ACKR3: variants seen among roughly 807,000 people sequenced by gnomAD.
ACKR3 encodes atypical chemokine receptor 3, also known as C-X-C chemokine receptor type 7.
In ACKR3, 6 loss-of-function variants were observed where a neutral mutation model predicts 22.4. The ratio of observed to expected loss-of-function variants is 0.27; its 90% confidence interval spans 0.15 to 0.53. The LOEUF (loss-of-function observed/expected upper bound fraction) is 0.53. ACKR3 is among the 20% of genes least tolerant of loss of function. ACKR3 has a pLI of 0.96. For synonymous variants in ACKR3, 209 were observed against 205.2 expected (o/e 1.02, Z -0.16); for missense variants, 396 against 475.2 (o/e 0.83, Z 1.55).
chr2:236,556,639 T>C, the ACKR3 span, among the ~76,000 whole-genome samples: 1 of 152,238 alleles, frequency 6.6e-6, no homozygotes, highest in Non-Finnish European at 1.5e-5. Flanking sequence ...TGCTGGCACA[T>C]TGATCTCAGC....
chr2:236,554,298 G>A, the ACKR3 span, among the ~76,000 whole-genome samples: 1 of 152,358 alleles, frequency 6.6e-6, no homozygotes, highest in Non-Finnish European at 1.5e-5. Flanking sequence ...ATCCAGGAAG[G>A]CATCAGGAAG....
intron 1 of ACKR3, among the ~76,000 whole-genome samples, chr2:236,570,803 A>C (rs1691292189): frequency 6.6e-6 from 1 of 152,028 alleles, no homozygotes; most frequent in Non-Finnish European, 1.5e-5. Flanking sequence ...GGAGAATGAG[A>C]AGTTGTAAAA....
chr2:236,582,047 T>C lies in ACKR3; in HGVS notation c.*493T>C, dbSNP rs1294234982. On this transcript the variant is annotated 3_prime_UTR_variant, in exon 2 of 2. Coordinates refer to ENST00000272928, the MANE Select transcript of ACKR3 (RefSeq NM_020311.3). ...TTTTGACTAAGGATGACACTAATTG[T>C]TAGCTGTTTTGAAATTATATATATA... is the stretch of plus-strand genomic sequence containing the variant. The C allele has an allele frequency of 6.1e-6, 1 of 164,512 alleles. No individual in the cohort carries two copies. Among genetic ancestry groups the C allele is most frequent in the Non-Finnish European group, 1.5e-5 (1 of 67,700 alleles). 10.2% of individuals were successfully genotyped at this position (164,512 alleles called of 1,614,324 possible).
the ACKR3 span, among the ~76,000 whole-genome samples, chr2:236,538,018 G>T: frequency 6.6e-6 from 1 of 151,942 alleles, no homozygotes; most frequent in African/African-American, 2.4e-5. Flanking sequence ...ATTCCAAAAA[G>T]AATAGTTCTT....
chr2:236,549,214 C>A, the ACKR3 span, among the ~76,000 whole-genome samples: 1 of 152,356 alleles, frequency 6.6e-6, no homozygotes, highest in East Asian at 1.9e-4. The surrounding 1 kb of genome is among the most constrained non-coding windows in gnomAD (Gnocchi z 5.3). Context: ...CTAGCTCCGA[C>A]CCTGCAGACC....
chr2:236,581,692 C>T lies in ACKR3; in HGVS notation c.*138C>T. On this transcript the variant is annotated 3_prime_UTR_variant, in exon 2 of 2. Transcript: ENST00000272928. The surrounding 1 kb of genome is among the most constrained non-coding windows in gnomAD (Gnocchi z 4.4). ...TGAAGAGGGGAGCACGTGCCCCCTG[C>T]ATCCATTCTCTCTTTCTCTTGATGA... The T allele has an allele frequency of 3.7e-6, 4 of 1,088,322 alleles. No individual in the cohort carries two copies. The highest frequency in any genetic ancestry group is 5.2e-6 in the Non-Finnish European group (4 of 769,056). The allele number at this position is 1,088,322 out of a possible 1,614,324, so 67.4% of individuals were successfully genotyped here.
chr2:236,541,471 A>G, the ACKR3 span, among the ~76,000 whole-genome samples: 7 of 152,220 alleles, frequency 4.6e-5, no homozygotes, highest in Admixed American at 1.3e-4. Context: ...ATCTAAGTCA[A>G]AATGATTGAG....
chr2:236,581,697 A>G lies in ACKR3; in HGVS notation c.*143A>G. On this transcript the variant is annotated 3_prime_UTR_variant, in exon 2 of 2. Coordinates refer to ENST00000272928, the MANE Select transcript of ACKR3 (RefSeq NM_020311.3). The surrounding 1 kb of genome is among the most constrained non-coding windows in gnomAD (Gnocchi z 4.4). ...AGGGGAGCACGTGCCCCCTGCATCC[A>G]TTCTCTCTTTCTCTTGATGACGCAG... is the stretch of plus-strand genomic sequence containing the variant. The G allele has an allele frequency of 1.9e-6, 2 of 1,053,854 alleles. No individual in the cohort carries two copies. Among genetic ancestry groups the G allele is most frequent in the Non-Finnish European group, 2.7e-6 (2 of 739,814 alleles). The allele number at this position is 1,053,854 out of a possible 1,614,324, so 65.3% of individuals were successfully genotyped here.
At chr2:236,544,677 G>A in the ACKR3 span, among the ~76,000 whole-genome samples, 1 of 152,174 alleles carries the variant, frequency 6.6e-6, no homozygotes, top group Non-Finnish European at 1.5e-5. This position sits in a 1 kb window ranked among gnomAD's most constrained non-coding sequence, Gnocchi z 5.0. Context: ...ATTCTGGGCT[G>A]AGCCCCTGGA....
chr2:236,568,239 G>C (rs1691229926), upstream of ACKR3, among the ~76,000 whole-genome samples: 5 of 152,338 alleles, frequency 3.3e-5, no homozygotes, highest in South Asian at 1.0e-3. Flanking sequence ...TTCTCTGAAG[G>C]ACAGGCCCCG....
At chr2:236,565,163 A>G (rs1691153340), upstream of ACKR3, among the ~76,000 whole-genome samples, 1 of 152,108 alleles carries the variant, frequency 6.6e-6, no homozygotes, top group African/African-American at 2.4e-5. Context: ...TACCTGCAAG[A>G]AACCACTCAT....
At chr2:236,569,406 G>C (rs1691260336), upstream of ACKR3, among the ~76,000 whole-genome samples, 1 of 152,232 alleles carries the variant, frequency 6.6e-6, no homozygotes. Flanking sequence ...GAAGTTCAGA[G>C]TAATTTGTCT....
the ACKR3 span, among the ~76,000 whole-genome samples, chr2:236,539,643 A>G: frequency 6.6e-6 from 1 of 152,160 alleles, no homozygotes; most frequent in Non-Finnish European, 1.5e-5. Context: ...GGCATGAGCC[A>G]CCACATCCAG....
At position 236,580,582 on chromosome 2, in the gene ACKR3, C is replaced by T; in HGVS notation, c.117C>T (p.Asn39=). 6.2e-7 allele frequency: 1 copy of T among 1,613,884 alleles called. No individual in the cohort carries two copies. The highest frequency in any genetic ancestry group is 8.5e-7 in the Non-Finnish European group (1 of 1,179,896). The change falls in exon 2 of 2, where the codon AAC becomes AAT. Residue 39 remains asparagine (N), a synonymous_variant. Transcript: ENST00000272928. ...CGGTGATGTGTCCCAACATGCCCAA[C>T]AAAAGCGTCCTGCTCTACACGCTCT... is the stretch of plus-strand genomic sequence containing the variant. The part of the protein sequence containing the change: ...VDTVMCPNMP[N]KSVLLYTLSF...
chr2:236,563,952 T>C (rs6431474), upstream of ACKR3, among the ~76,000 whole-genome samples: 36,903 of 152,044 alleles, frequency 0.24, 7,670 homozygotes, highest in African/African-American at 0.57. Context: ...GGTATGAAAC[T>C]CCAGCCCCTG....
chr2:236,548,015 T>G, the ACKR3 span, among the ~76,000 whole-genome samples: 1 of 152,164 alleles, frequency 6.6e-6, no homozygotes, highest in Non-Finnish European at 1.5e-5. This position sits in a 1 kb window ranked among gnomAD's most constrained non-coding sequence, Gnocchi z 4.3. Context: ...CTTCTGGAAT[T>G]GCAATTAGAC....
the ACKR3 span, among the ~76,000 whole-genome samples, chr2:236,555,608 G>C: frequency 1.3e-5 from 2 of 152,138 alleles, no homozygotes; most frequent in South Asian, 4.1e-4. Flanking sequence ...TCCAAGAGGA[G>C]AGAGAAGCAG....
At chr2:236,568,198 C>G (rs1014772042), upstream of ACKR3, among the ~76,000 whole-genome samples, 1 of 152,204 alleles carries the variant, frequency 6.6e-6, no homozygotes, top group Non-Finnish European at 1.5e-5. Context: ...GTGTTTCCAC[C>G]GGGCGCGCAG....
the ACKR3 span, among the ~76,000 whole-genome samples, chr2:236,557,940 A>T: frequency 6.6e-6 from 1 of 152,192 alleles, no homozygotes; most frequent in Non-Finnish European, 1.5e-5. Flanking sequence ...AAAATAATCA[A>T]CCTGTTATGT....
Sources: allele counts gnomAD v4.1 joint callset (sites outside exome capture counted in the v4.1 genomes callset), GRCh38; gene constraint gnomAD v4.1.1; non-coding constraint Gnocchi (gnomAD v3.1); transcripts MANE v1.5; gene names NCBI Gene and HGNC (gene_info 2026-07-23, HGNC 2026-07-21).